CALCOCO2: variants seen among roughly 807,000 people sequenced by gnomAD.
The protein encoded by CALCOCO2 is calcium binding and coiled-coil domain 2, also known as calcium-binding and coiled-coil domain-containing protein 2.
A neutral mutation model predicts 62.5 loss-of-function variants in CALCOCO2; 42 were observed. The observed-to-expected ratio is 0.67, with a 90% confidence interval of 0.53 to 0.87. The LOEUF is 0.87. CALCOCO2 is among the 40% of genes least tolerant of loss of function. The pLI, the probability that CALCOCO2 is intolerant of heterozygous loss-of-function variation, is 0.00. For missense variants in CALCOCO2, 456 were observed against 515.0 expected, an observed-to-expected ratio of 0.89 and a Z score of 1.11; for synonymous variants, 167 against 173.0, an observed-to-expected ratio of 0.97 and a Z score of 0.27.
chr17:48,847,963 C>G, intron 2 of CALCOCO2, 101 bp from the exon 3 acceptor site: 1 of 688,612 alleles, frequency 1.5e-6, no homozygotes, highest in East Asian at 2.7e-5. Flanking sequence ...CCTATATTTT[C>G]AATATATACA....
Position 48,863,808 on chromosome 17 carries a change from A to C in CALCOCO2, c.*803A>C, listed in dbSNP as rs1286339063. 1 of 152,212 alleles carries C rather than the reference A, an allele frequency of 6.6e-6. No homozygotes were observed. Among genetic ancestry groups the C allele is most frequent in the East Asian group, 1.9e-4 (1 of 5,196 alleles). The allele number at this position is 152,212 out of a possible 1,614,324, so 9.4% of individuals were successfully genotyped here. A position where few individuals can be genotyped will look rare whatever the true frequency, so the allele number is the denominator to read the frequency against. On this transcript the variant is annotated 3_prime_UTR_variant, in exon 13 of 13. Coordinates refer to ENST00000258947, the MANE Select transcript of CALCOCO2 (RefSeq NM_005831.5). ...AATGAGACAACTTGTTAATCTCTTT[A>C]ATACTAAAAATAAATTACTCTTCTA...
At position 48,857,835 on chromosome 17, in the gene CALCOCO2, A is replaced by C. The variant is rs139284991; in HGVS notation, c.1008+1648A>C. ...TAAAAATACAAAAAAAAAATTAGCG[A>C]GCTTGGTGGCAGGCGCCTATAGTCC... On this transcript the variant is annotated intron_variant, in intron 10 of 12. Transcript: ENST00000258947. 1.8e-4 allele frequency among the ~76,000 whole-genome samples: 26 copies of C among 148,312 alleles called. 2 individuals carry two copies. In the East Asian group the frequency reaches 5.3e-3, roughly 31 times the overall value.
At chr17:48,857,996 A>ATAGAG (rs2040249445) in intron 10 of CALCOCO2, among the ~76,000 whole-genome samples, 2 of 19,858 alleles carry the variant, frequency 1.0e-4, no homozygotes, top group Admixed American at 6.0e-4. Context: ...ATAGAATAGA[A>ATAGAG]TAGAATAGAA....
At position 48,848,438 on chromosome 17, in the gene CALCOCO2, C is replaced by G. The variant is rs1221733579; in HGVS notation, c.400C>G (p.Leu134Val). ...QFRPENEEDI[L>V]VVTTQGEVEE... ...CCGTCCAGAAAATGAGGAAGACATC[C>G]TGGTTGTTACCACTCAGGTTTGTAA... is the stretch of plus-strand genomic sequence containing the variant. Residue 134 changes from leucine (L) to valine (V), a missense_variant, in exon 4 of 13, where the codon CTG becomes GTG. Leu to Val is a conservative substitution (Grantham distance 32). Around this residue, in one of 3 missense-constraint regions of CALCOCO2, gnomAD observed 236 missense variants for 225.3 expected, o/e 1.05. Coordinates refer to ENST00000258947, the MANE Select transcript of CALCOCO2 (RefSeq NM_005831.5). 2 of 1,614,000 alleles carry G rather than the reference C, an allele frequency of 1.2e-6. No homozygotes were observed. The highest frequency in any genetic ancestry group is 1.1e-5 in the South Asian group (1 of 91,076).
intron 1 of CALCOCO2, chr17:48,839,443 GGTTCA>G (rs1244424902): frequency 6.6e-6 from 1 of 150,624 alleles, no homozygotes; most frequent in Non-Finnish European, 1.5e-5. Flanking sequence ...CTGCCTCCTG[GGTTCA>G]AGCGGTTCTC....
chr17:48,839,071 A>C (rs899690704), intron 1 of CALCOCO2, among the ~76,000 whole-genome samples: 2 of 147,744 alleles, frequency 1.4e-5, no homozygotes, highest in African/African-American at 5.0e-5. Context: ...GCAATCTGGC[A>C]ATCTTGGCTC....
At chr17:48,859,997 G>C (rs1234860237) in intron 10 of CALCOCO2, among the ~76,000 whole-genome samples, 1 of 152,144 alleles carries the variant, frequency 6.6e-6, no homozygotes. Flanking sequence ...GGGAGGCTGA[G>C]GCACAAGAAT....
chr17:48,831,963 C>T (rs2039819801), intron 1 of CALCOCO2: 1 of 152,202 alleles, frequency 6.6e-6, no homozygotes, highest in African/African-American at 2.4e-5. Flanking sequence ...GACCTGGAAA[C>T]TCTATCCTTT....
At position 48,852,525 on chromosome 17, in the gene CALCOCO2, A is replaced by G. The variant is rs772154645; in HGVS notation, c.722A>G (p.Glu241Gly). The G allele has an allele frequency of 1.9e-6, 3 of 1,613,614 alleles. No homozygotes were observed. In the South Asian group the frequency reaches 3.3e-5, roughly 18 times the overall value. ...TTTTAGGCCCAGCTGTCAACTCAAG[A>G]GAAAGAAATGGAGAAGCTTGTTCAG... ...DQLQAQLSTQ[E>G]KEMEKLVQGD... is the part of the protein sequence containing the mutation. Residue 241 changes from glutamate to glycine, a missense_variant, in exon 8 of 13, where the codon GAG (glutamate) becomes GGG (glycine). Physicochemically the swap from Glu to Gly is moderately conservative, Grantham distance 98 (BLOSUM62 -2). Around this residue, in one of 3 missense-constraint regions of CALCOCO2, gnomAD observed 236 missense variants for 225.3 expected, o/e 1.05. Transcript: ENST00000258947.
Position 48,847,950 on chromosome 17 carries a change from C to T in CALCOCO2, c.181-114C>T, listed in dbSNP as rs376374268. On this transcript the variant is annotated intron_variant, in intron 2 of 12. Coordinates refer to ENST00000258947, the MANE Select transcript of CALCOCO2 (RefSeq NM_005831.5). ...GATTACAGGCATGAGCCACTGCACC[C>T]GGCCTATATTTTCAATATATACAAA... is the stretch of plus-strand genomic sequence containing the variant. 6.5e-4 allele frequency: 425 copies of T among 651,194 alleles called. 4 individuals carry two copies. The highest frequency in any genetic ancestry group is 5.8e-3 in the Admixed American group (209 of 36,296). The allele number at this position is 651,194 out of a possible 1,614,324, so 40.3% of individuals were successfully genotyped here. A position where few individuals can be genotyped will look rare whatever the true frequency, so the allele number is the denominator to read the frequency against.
In CALCOCO2 at chr17:48,856,194, G is replaced by A; in HGVS notation, c.1008+7G>A. On this transcript the variant is annotated splice_region_variant and intron_variant, in intron 10 of 12. Coordinates refer to ENST00000258947, the MANE Select transcript of CALCOCO2 (RefSeq NM_005831.5). ...ATTGGAAGGAGAAAATGATGTAAGT[G>A]TGTGAAAGAGGGTATAAAACCCCAA... 6.7e-7 allele frequency: 1 copy of A among 1,496,112 alleles called. No individual in the cohort carries two copies. Among genetic ancestry groups the A allele is most frequent in the Non-Finnish European group, 9.3e-7 (1 of 1,075,328 alleles). 92.7% of individuals were successfully genotyped at this position (1,496,112 alleles called of 1,614,324 possible).
At chr17:48,840,204 G>A (rs1258776134) in intron 1 of CALCOCO2, among the ~76,000 whole-genome samples, 1 of 151,852 alleles carries the variant, frequency 6.6e-6, no homozygotes, top group African/African-American at 2.4e-5. Context: ...ATCTTGGCTC[G>A]CTGCAGCCTA....
chr17:48,852,434 C>T (rs895812372), intron 7 of CALCOCO2, 72 bp from the exon 8 acceptor site: 30 of 1,352,856 alleles, frequency 2.2e-5, no homozygotes, highest in East Asian at 1.9e-4. Flanking sequence ...TGTTATTGTA[C>T]GTTAAAAAGC....
chr17:48,841,728 TC>T lies in CALCOCO2; in HGVS notation c.27del (p.Thr10HisfsTer72). 1 of 1,612,098 alleles carries T rather than the reference TC, an allele frequency of 6.2e-7. No homozygotes were observed. Among genetic ancestry groups the T allele is most frequent in the Non-Finnish European group, 8.5e-7 (1 of 1,178,922 alleles). MEETIKD[P>X]PTSAVLLDHC... Reference sequence around the variant, plus strand: ...CTACCATGGAGGAGACCATCAAAGATCCCCCCACATCAGCTGTCTTGCTGGA... The same window carrying T: ...CTACCATGGAGGAGACCATCAAAGATCCCCCACATCAGCTGTCTTGCTGGA... On this transcript the variant is annotated frameshift_variant, in exon 2 of 13. Coordinates refer to ENST00000258947, the MANE Select transcript of CALCOCO2 (RefSeq NM_005831.5). LOFTEE classifies it high-confidence loss of function.
chr17:48,857,211 T>C (rs1355156506), intron 10 of CALCOCO2, among the ~76,000 whole-genome samples: 3 of 151,390 alleles, frequency 2.0e-5, no homozygotes, highest in Non-Finnish European at 4.4e-5. Flanking sequence ...TTTTTTTTTT[T>C]TTTGAGACGG....
chr17:48,845,320 GGTGT>G lies in CALCOCO2; in HGVS notation c.181-2717_181-2714del, dbSNP rs55686005. Among the ~76,000 whole-genome samples, 315 of 137,210 alleles carry G rather than the reference GGTGT, an allele frequency of 2.3e-3. 4 individuals carry two copies. The highest frequency in any genetic ancestry group is 6.7e-3 in the African/African-American group (249 of 37,176). The allele number at this position is 137,210 out of a possible 152,430, so 90.0% of individuals were successfully genotyped here. A position where few individuals can be genotyped will look rare whatever the true frequency, so the allele number is the denominator to read the frequency against. On this transcript the variant is annotated intron_variant, in intron 2 of 12. Coordinates refer to ENST00000258947, the MANE Select transcript of CALCOCO2 (RefSeq NM_005831.5). The stretch of plus-strand genomic sequence containing the variant: ...CACACTATGCTAGGCCTATGTTGAG[GGTGT>G]GTGTGTGTGTGTGTGTGTGTGTGTG...
chr17:48,850,594 G>A lies in CALCOCO2; in HGVS notation c.544-495G>A, dbSNP rs552583365. ...ATGTAGCTCTCACTTATTGAACAGCGCTGTTCTAGGAAAAGGGCAGTTCTG... is the reference window on the plus strand; with the variant it reads ...ATGTAGCTCTCACTTATTGAACAGCACTGTTCTAGGAAAAGGGCAGTTCTG... On this transcript the variant is annotated intron_variant, in intron 5 of 12. Coordinates refer to ENST00000258947, the MANE Select transcript of CALCOCO2 (RefSeq NM_005831.5). 4.6e-5 allele frequency among the ~76,000 whole-genome samples: 7 copies of A among 152,174 alleles called. No homozygotes were observed. In the East Asian group the frequency reaches 7.7e-4, roughly 17 times the overall value.
intron 11 of CALCOCO2, 151 bp downstream of exon 11, chr17:48,860,600 G>A (rs1263315759): frequency 1.1e-5 from 7 of 644,330 alleles, no homozygotes; most frequent in Middle Eastern, 6.3e-4. Flanking sequence ...ATTGCCAGGC[G>A]AGAAGTGTTA....
At chr17:48,842,612 C>G (rs1468916855) in intron 2 of CALCOCO2, 2 of 108,816 alleles carry the variant, frequency 1.8e-5, no homozygotes, top group Admixed American at 2.1e-4. Context: ...GCTGGGACTA[C>G]AGGTATGCAG....
Sources: gnomAD v4.1 joint callset for allele counts (sites outside exome capture counted in the v4.1 genomes callset) on GRCh38, gnomAD v4.1.1 for gene constraint, gnomAD v4.1.1 regional missense constraint, MANE v1.5 for transcripts, NCBI Gene and HGNC (gene_info 2026-07-23, HGNC 2026-07-21) for gene names.